Variants in PIWIL2 observed in about 807,000 individuals in gnomAD.
PIWIL2 encodes piwi-like protein 2.
A neutral mutation model predicts 116.5 loss-of-function variants in PIWIL2; 81 were observed. That is an observed-to-expected ratio of 0.70 (90% CI 0.58 to 0.84). PIWIL2 has a LOEUF of 0.84. PIWIL2 is among the 40% of genes least tolerant of loss of function. The pLI is 0.00. For missense variants in PIWIL2, 1,272 were observed against 1,212.3 expected (o/e 1.05, Z -0.73); for synonymous variants, 489 against 429.5 (o/e 1.14, Z -1.71).
chr8:22,281,661 A>G (rs575618286), intron 4 of PIWIL2, 146 bp downstream of exon 4: 1 of 653,294 alleles, frequency 1.5e-6, no homozygotes, highest in Non-Finnish European at 2.4e-6. Flanking sequence ...AAGAGTAGTC[A>G]GCAGCTGTTA....
chr8:22,283,060 C>T lies in PIWIL2; in HGVS notation c.452C>T (p.Ala151Val), dbSNP rs181413985. The T allele has an allele frequency of 1.2e-5, 20 of 1,614,106 alleles. No individual in the cohort carries two copies. The highest frequency in any genetic ancestry group is 1.2e-4 in the Admixed American group (7 of 60,024). The change falls in exon 5 of 23, where the codon GCG (alanine) becomes GTG (valine). Residue 151 changes from alanine to valine, a missense_variant. Physicochemically the swap from Ala to Val is moderately conservative, Grantham distance 64 (BLOSUM62 0). Transcript: ENST00000356766. ...SRTLGRGSSD[A>V]SLLPLGRAAG... ...ACGCTTGGAAGAGGGAGTTCAGATG[C>T]GTCTTTATTACCACTGGGAAGAGCA...
intron 20 of PIWIL2, among the ~76,000 whole-genome samples, chr8:22,322,296 G>C (rs993640402): frequency 6.6e-6 from 1 of 151,456 alleles, no homozygotes; most frequent in Non-Finnish European, 1.5e-5. Context: ...TGTTGCCTGG[G>C]CTGGAGTGTA....
chr8:22,315,858 G>T (rs1330543516), intron 18 of PIWIL2, among the ~76,000 whole-genome samples: 1 of 152,252 alleles, frequency 6.6e-6, no homozygotes, highest in East Asian at 1.9e-4. Context: ...ATTTCTGGGG[G>T]TTTGGGTTCA....
chr8:22,349,677 G>C (rs541184027), intron 20 of PIWIL2, among the ~76,000 whole-genome samples: 3 of 152,048 alleles, frequency 2.0e-5, no homozygotes, highest in African/African-American at 7.2e-5. Flanking sequence ...TTAACACAGC[G>C]AGTTAGTTAG....
intron 15 of PIWIL2, among the ~76,000 whole-genome samples, chr8:22,310,660 G>A (rs576980178): frequency 6.6e-6 from 1 of 152,036 alleles, no homozygotes; most frequent in Non-Finnish European, 1.5e-5. Context: ...CACACCAAGG[G>A]TTAAGATGCA....
intron 14 of PIWIL2, among the ~76,000 whole-genome samples, chr8:22,308,947 G>C (rs1831257138): frequency 6.6e-6 from 1 of 151,862 alleles, no homozygotes; most frequent in African/African-American, 2.4e-5. Flanking sequence ...CACCACGCTA[G>C]CCCTTGTTTA....
At chr8:22,335,725 G>C (rs963858102) in intron 20 of PIWIL2, among the ~76,000 whole-genome samples, 3 of 151,710 alleles carry the variant, frequency 2.0e-5, no homozygotes, top group African/African-American at 4.8e-5. Flanking sequence ...ATTTGTTGTT[G>C]TTGTTGTATT....
In PIWIL2 at chr8:22,355,493, G is replaced by C; in HGVS notation, c.2910G>C (p.Leu970=). The change falls in exon 23 of 23, where the codon CTG becomes CTC. Residue 970 remains leucine, a synonymous_variant. Transcript: ENST00000356766. ...HEPAIQLCEN[L]FFL is the part of the protein sequence containing the mutation. ...CAGCCATCCAGCTGTGCGAGAACCT[G>C]TTCTTCCTGTGACTGCACAGCTTGG... 1 of 1,613,986 alleles carries C rather than the reference G, an allele frequency of 6.2e-7. No individual in the cohort carries two copies. The highest frequency in any genetic ancestry group is 8.5e-7 in the Non-Finnish European group (1 of 1,179,990).
At chr8:22,280,009 G>C (rs1830464176) in intron 2 of PIWIL2, among the ~76,000 whole-genome samples, 2 of 152,114 alleles carry the variant, frequency 1.3e-5, no homozygotes, top group Admixed American at 6.6e-5. Context: ...ACAGAAACAA[G>C]GTTGTCTTTT....
intron 10 of PIWIL2, among the ~76,000 whole-genome samples, chr8:22,296,204 C>T (rs531434907): frequency 3.9e-4 from 59 of 151,952 alleles, no homozygotes; most frequent in Non-Finnish European, 6.3e-4. Flanking sequence ...TACAGGCGTG[C>T]GCCACCACGC....
At position 22,324,259 on chromosome 8, in the gene PIWIL2, C is replaced by A. The variant is rs150900050; in HGVS notation, c.2403+5984C>A. Among the ~76,000 whole-genome samples the A allele has an allele frequency of 6.7e-4, 102 of 152,038 alleles. No individual in the cohort carries two copies. In the East Asian group the frequency reaches 0.016, roughly 24 times the overall value. Reference sequence around the variant, plus strand: ...TCTGGGCGACAAAGCAAGACTTTGTCTCAAAAAAAAGGAATATTGGATTTT... The same window carrying A: ...TCTGGGCGACAAAGCAAGACTTTGTATCAAAAAAAAGGAATATTGGATTTT... On this transcript the variant is annotated intron_variant, in intron 20 of 22. Coordinates refer to ENST00000356766, the MANE Select transcript of PIWIL2 (RefSeq NM_018068.5).
chr8:22,315,362 G>C (rs1831433126), intron 18 of PIWIL2, among the ~76,000 whole-genome samples: 1 of 152,174 alleles, frequency 6.6e-6, no homozygotes, highest in Non-Finnish European at 1.5e-5. Flanking sequence ...TGTCGCCCAG[G>C]TTGGAGTGCG....
At chr8:22,277,323 A>C (rs766275564) in intron 1 of PIWIL2, among the ~76,000 whole-genome samples, 17 of 151,896 alleles carry the variant, frequency 1.1e-4, no homozygotes, top group Non-Finnish European at 2.2e-4. Flanking sequence ...TGCCCGACCT[A>C]CAGGTTATGA....
chr8:22,353,084 T>C lies in PIWIL2; in HGVS notation c.2529T>C (p.Tyr843=). 2 of 1,614,208 alleles carry C rather than the reference T, an allele frequency of 1.2e-6. No individual in the cohort carries two copies. Among genetic ancestry groups the C allele is most frequent in the Non-Finnish European group, 1.7e-6 (2 of 1,180,012 alleles). Residue 843 remains tyrosine (Y), a synonymous_variant, in exon 21 of 23, where the codon TAT becomes TAC. Transcript: ENST00000356766. ...AGTGTTTTGAAGCTTTTGAGAATTA[T>C]CAGCCCAAGATGGTGGTGTTTGTAG... ...LQKCFEAFEN[Y]QPKMVVFVVQ...
intron 6 of PIWIL2, among the ~76,000 whole-genome samples, chr8:22,285,789 G>GC (rs1275218442): frequency 6.6e-6 from 1 of 152,032 alleles, no homozygotes; most frequent in Non-Finnish European, 1.5e-5. Flanking sequence ...TTATAGGCAA[G>GC]CGCCCCCATG....
intron 6 of PIWIL2, among the ~76,000 whole-genome samples, chr8:22,285,849 C>T (rs1238588336): frequency 2.0e-5 from 3 of 151,782 alleles, no homozygotes; most frequent in Admixed American, 1.3e-4. Context: ...TTTGCCATGT[C>T]GACCAGGCTG....
intron 10 of PIWIL2, among the ~76,000 whole-genome samples, chr8:22,298,253 C>A (rs942272329): frequency 6.6e-6 from 1 of 150,638 alleles, no homozygotes; most frequent in Non-Finnish European, 1.5e-5. Context: ...TGGAGTGAGA[C>A]CCTATTTAAA....
intron 10 of PIWIL2, among the ~76,000 whole-genome samples, chr8:22,300,885 T>A (rs989917500): frequency 1.3e-5 from 2 of 152,246 alleles, no homozygotes; most frequent in Non-Finnish European, 2.9e-5. Flanking sequence ...TCATTACATA[T>A]AAGAAGTACA....
At chr8:22,334,644 T>C (rs1166537842) in intron 20 of PIWIL2, among the ~76,000 whole-genome samples, 2 of 152,044 alleles carry the variant, frequency 1.3e-5, no homozygotes, top group African/African-American at 4.8e-5. Context: ...TTGGGTCAAG[T>C]TGGGTCAAGC....
Sources: gnomAD v4.1 joint callset for allele counts (sites outside exome capture counted in the v4.1 genomes callset) on GRCh38, gnomAD v4.1.1 for gene constraint, MANE v1.5 for transcripts, NCBI Gene and HGNC (gene_info 2026-07-23, HGNC 2026-07-21) for gene names.